CFAP57: variants seen among roughly 807,000 people sequenced by gnomAD.
CFAP57 encodes the protein cilia- and flagella-associated protein 57.
In CFAP57, 116 loss-of-function variants were observed where a neutral mutation model predicts 146.8. The observed-to-expected ratio is 0.79, with a 90% CI of 0.68 to 0.92. The LOEUF is 0.92. CFAP57 is among the 40% of genes least tolerant of loss of function. CFAP57 has a pLI of 0.00. For missense variants in CFAP57, 1,377 were observed against 1,527.2 expected, an observed-to-expected ratio of 0.90 and a Z score of 1.64; for synonymous variants, 518 against 552.8, an observed-to-expected ratio of 0.94 and a Z score of 0.88.
rs576442428 is a variant in CFAP57 at position 43,215,063 on chromosome 1, G to A, written c.1930-192G>A. ...TTCCAAATCCACAGAGAATGTAGACGTAACCTTACTTCTTCTATTCATTAA... is the reference window on the plus strand; with the variant it reads ...TTCCAAATCCACAGAGAATGTAGACATAACCTTACTTCTTCTATTCATTAA... On this transcript the variant is annotated intron_variant, in intron 11 of 22. Coordinates refer to ENST00000372492, the MANE Select transcript of CFAP57 (RefSeq NM_001378189.1). 5.3e-5 allele frequency among the ~76,000 whole-genome samples: 8 copies of A among 152,300 alleles called. No individual in the cohort carries two copies. In the South Asian group the frequency reaches 1.4e-3, roughly 28 times the overall value.
Position 43,243,324 on chromosome 1 carries a change from C to T in CFAP57, c.3503C>T (p.Thr1168Ile), listed in dbSNP as rs777172099. Residue 1168 changes from threonine (T) to isoleucine (I), a missense_variant, in exon 22 of 23, where the codon ACC becomes ATC. By Grantham distance (89) the Thr-to-Ile change is moderately conservative. Transcript: ENST00000372492. ...GACCTTGAAGCAGCTCTGAAACTGACCAAGAAAGTCCGACCACAAGAAGTT... is the reference window on the plus strand; with the variant it reads ...GACCTTGAAGCAGCTCTGAAACTGATCAAGAAAGTCCGACCACAAGAAGTT... The part of the protein sequence containing the change: ...VYDLEAALKL[T>I]KKVRPQEVSE... The T allele has an allele frequency of 1.9e-6, 3 of 1,539,980 alleles. No homozygotes were observed. The African/African-American group carries it at 4.1e-5, about 21-fold the overall frequency.
chr1:43,211,318 GTAAT>G (rs1644598835), intron 11 of CFAP57: 1 of 152,146 alleles, frequency 6.6e-6, no homozygotes, highest in African/African-American at 2.4e-5. Context: ...GCTCACGCCT[GTAAT>G]CCTAGCACTT....
intron 18 of CFAP57, among the ~76,000 whole-genome samples, chr1:43,231,795 A>G (rs992360625): frequency 1.3e-5 from 2 of 151,960 alleles, no homozygotes; most frequent in African/African-American, 4.8e-5. Flanking sequence ...TTAAACCCGG[A>G]GGCGGAGGTT....
intron 17 of CFAP57, among the ~76,000 whole-genome samples, chr1:43,225,383 A>G (rs1448539816): frequency 6.6e-6 from 1 of 152,240 alleles, no homozygotes; most frequent in African/African-American, 2.4e-5. Flanking sequence ...CAACGAATCA[A>G]CACCGCTGCT....
intron 17 of CFAP57, among the ~76,000 whole-genome samples, chr1:43,225,644 C>A (rs1399291960): frequency 6.6e-6 from 1 of 152,250 alleles, no homozygotes. Context: ...TCATTCTCAG[C>A]ACCCTCAATA....
At chr1:43,182,220 C>T (rs1167146609) in intron 3 of CFAP57, among the ~76,000 whole-genome samples, 6 of 152,168 alleles carry the variant, frequency 3.9e-5, no homozygotes, top group South Asian at 2.1e-4. Flanking sequence ...GCAGCATTGC[C>T]GGGCAGTAGG....
chr1:43,198,058 T>C (rs1643939564), intron 7 of CFAP57, among the ~76,000 whole-genome samples: 1 of 152,092 alleles, frequency 6.6e-6, no homozygotes, highest in South Asian at 2.1e-4. Context: ...TTCCTCATCT[T>C]TCTCCCAGGA....
chr1:43,177,273 A>G (rs1297524360), intron 2 of CFAP57: 24 of 452,238 alleles, frequency 5.3e-5, no homozygotes, highest in South Asian at 3.6e-4. Flanking sequence ...GAAGAGATCA[A>G]TAATGGATAT....
At position 43,221,814 on chromosome 1, in the gene CFAP57, C is replaced by T. The variant is rs573675940; in HGVS notation, c.2342-291C>T. ...TTGCTATAAAGCAGGAGTCCTAATACTTATTTTTCACACTCAGGATATTCT... is the reference window on the plus strand; with the variant it reads ...TTGCTATAAAGCAGGAGTCCTAATATTTATTTTTCACACTCAGGATATTCT... On this transcript the variant is annotated intron_variant, in intron 14 of 22. Transcript: ENST00000372492. 5.5e-4 allele frequency among the ~76,000 whole-genome samples: 84 copies of T among 152,294 alleles called. 1 individual carries two copies. The South Asian group carries it at 0.017, about 30-fold the overall frequency.
At chr1:43,210,147 G>C in intron 11 of CFAP57, 1 of 1,594,452 alleles carries the variant, frequency 6.3e-7, no homozygotes, top group Non-Finnish European at 8.5e-7. Flanking sequence ...TATGTACAAC[G>C]TTTTCACCAT....
intron 9 of CFAP57, among the ~76,000 whole-genome samples, chr1:43,202,746 G>A (rs7547955): frequency 6.6e-6 from 1 of 150,672 alleles, no homozygotes; most frequent in African/African-American, 2.4e-5. Flanking sequence ...TTATGCCACT[G>A]CACTCTACCT....
At position 43,240,025 on chromosome 1, in the gene CFAP57, T is replaced by C. The variant is rs113418650; in HGVS notation, c.3406-3202T>C. Among the ~76,000 whole-genome samples, 1,491 of 152,354 alleles carry C rather than the reference T, an allele frequency of 9.8e-3. 28 individuals carry two copies. The highest frequency in any genetic ancestry group is 0.033 in the African/African-American group (1,368 of 41,572). On this transcript the variant is annotated intron_variant, in intron 21 of 22. Transcript: ENST00000372492. The stretch of plus-strand genomic sequence containing the variant: ...ATAAATATGTATTGAATTGATCATG[T>C]CATGATATAAAGTCTGCAAGGAGAA...
chr1:43,249,745 C>T (rs1646269489), intron 22 of CFAP57, among the ~76,000 whole-genome samples: 1 of 151,678 alleles, frequency 6.6e-6, no homozygotes, highest in East Asian at 1.9e-4. Flanking sequence ...GCGCCTGGCC[C>T]AACCATTTTC....
chr1:43,247,282 A>G (rs1646145373), intron 22 of CFAP57, among the ~76,000 whole-genome samples: 1 of 152,222 alleles, frequency 6.6e-6, no homozygotes, highest in Non-Finnish European at 1.5e-5. Flanking sequence ...TTCCCCACTC[A>G]GTCTACCCTG....
intron 12 of CFAP57, among the ~76,000 whole-genome samples, chr1:43,218,412 C>A (rs1644918202): frequency 6.6e-6 from 1 of 151,920 alleles, no homozygotes; most frequent in Non-Finnish European, 1.5e-5. Context: ...CCAGCCTGGG[C>A]AACATAGTGA....
chr1:43,221,349 G>A, intron 13 of CFAP57, 23 bp from the exon 14 acceptor site: 2 of 1,516,886 alleles, frequency 1.3e-6, no homozygotes, highest in Non-Finnish European at 1.8e-6. Flanking sequence ...GTGTGTAAAT[G>A]AGGAAATGTG....
intron 11 of CFAP57, among the ~76,000 whole-genome samples, chr1:43,212,935 CAAAAAA>C (rs374038535): frequency 2.3e-5 from 3 of 129,106 alleles, no homozygotes; most frequent in Non-Finnish European, 4.8e-5. Flanking sequence ...GACTCTATCT[CAAAAAA>C]AAAAAAAAAG....
In CFAP57 at chr1:43,215,417, G is replaced by T. The variant is rs746480228; in HGVS notation, c.2091+1G>T. ...GACTAAAACAGACATGGAAGAAAAGGTAAGAACTGGATCTAATGAAGAGGG... is the reference window on the plus strand; with the variant it reads ...GACTAAAACAGACATGGAAGAAAAGTTAAGAACTGGATCTAATGAAGAGGG... On this transcript the variant is annotated splice_donor_variant, in intron 12 of 22. Coordinates refer to ENST00000372492, the MANE Select transcript of CFAP57 (RefSeq NM_001378189.1). LOFTEE classifies it high-confidence loss of function. The T allele has an allele frequency of 5.8e-6, 9 of 1,550,220 alleles. No homozygotes were observed. The highest frequency in any genetic ancestry group is 7.8e-6 in the Non-Finnish European group (9 of 1,146,768).
In CFAP57 at chr1:43,190,707, A is replaced by G. The variant is rs532283400; in HGVS notation, c.1122+3848A>G. Among the ~76,000 whole-genome samples the G allele has an allele frequency of 4.4e-3, 609 of 139,962 alleles. 2 individuals are homozygous for G. The highest frequency in any genetic ancestry group is 7.4e-3 in the Non-Finnish European group (489 of 66,268). 91.8% of individuals were successfully genotyped at this position (139,962 alleles called of 152,430 possible). On this transcript the variant is annotated intron_variant, in intron 6 of 22. Transcript: ENST00000372492. ...ATGAACGGCTGTTGGATTTTGTCAC[A>G]TTTTTTTTTTCCTGTGTCTATTGAA... is the stretch of plus-strand genomic sequence containing the variant.
Sources: gnomAD v4.1 joint callset for allele counts (sites outside exome capture counted in the v4.1 genomes callset) on GRCh38, gnomAD v4.1.1 for gene constraint, MANE v1.5 for transcripts, NCBI Gene and HGNC (gene_info 2026-07-23, HGNC 2026-07-21) for gene names.